The following CRADD variants were observed in gnomAD, a reference collection of about 807,000 sequenced individuals.
CRADD encodes death domain-containing protein CRADD.
CRADD carries 9 observed loss-of-function variants against 15.5 expected under a neutral mutation model. That is an observed-to-expected ratio of 0.58 (90% CI 0.35 to 1.01). CRADD has a LOEUF of 1.01. Ranked by LOEUF, CRADD falls within the 50% of genes least tolerant of loss-of-function variation. The pLI, the probability that CRADD is intolerant of heterozygous loss-of-function variation, is 0.02. For synonymous variants in CRADD, 118 were observed against 107.6 expected (o/e 1.10, Z -0.60); for missense variants, 227 against 250.3 (o/e 0.91, Z 0.63).
At chr12:93,789,736 G>A (rs1957327717) in intron 2 of CRADD, among the ~76,000 whole-genome samples, 2 of 151,928 alleles carry the variant, frequency 1.3e-5, no homozygotes, top group Admixed American at 1.3e-4. Context: ...TTAAATATGT[G>A]CAGTTTCCTG....
At chr12:93,680,543 CTT>C (rs1431898525) in intron 2 of CRADD, among the ~76,000 whole-genome samples, 1 of 152,148 alleles carries the variant, frequency 6.6e-6, no homozygotes, top group East Asian at 1.9e-4. Context: ...TATCTTTAGG[CTT>C]TTTGAAATAT....
chr12:93,785,529 T>A (rs1408932907), intron 2 of CRADD, among the ~76,000 whole-genome samples: 1 of 152,180 alleles, frequency 6.6e-6, no homozygotes, highest in Non-Finnish European at 1.5e-5. Context: ...CAACCACAGC[T>A]ACTGCTGGCA....
intron 2 of CRADD, among the ~76,000 whole-genome samples, chr12:93,786,982 G>C (rs1214746038): frequency 6.6e-6 from 1 of 152,148 alleles, no homozygotes; most frequent in Non-Finnish European, 1.5e-5. Context: ...GCTATTTAAG[G>C]ATTTATATTG....
chr12:93,817,225 T>A (rs1957712799), intron 2 of CRADD, among the ~76,000 whole-genome samples: 1 of 152,172 alleles, frequency 6.6e-6, no homozygotes, highest in South Asian at 2.1e-4. Context: ...TTCAAGAGAC[T>A]GTGACTTCCA....
intron 2 of CRADD, among the ~76,000 whole-genome samples, chr12:93,778,476 T>C (rs1328066299): frequency 1.3e-5 from 2 of 152,186 alleles, no homozygotes; most frequent in Non-Finnish European, 1.5e-5. Context: ...AGCTTAGCCA[T>C]ACTTATTAGA....
intron 2 of CRADD, among the ~76,000 whole-genome samples, chr12:93,731,015 G>C (rs1217652282): frequency 1.3e-5 from 2 of 152,080 alleles, no homozygotes; most frequent in Non-Finnish European, 2.9e-5. Flanking sequence ...ACTGCACCCG[G>C]CTGACCCTCA....
At chr12:93,809,370 G>A (rs565332329) in intron 2 of CRADD, among the ~76,000 whole-genome samples, 10 of 152,278 alleles carry the variant, frequency 6.6e-5, no homozygotes, top group South Asian at 2.1e-4. Flanking sequence ...GAGGAACATC[G>A]GTGTTCTGGA....
chr12:93,752,584 T>A (rs2136941066), intron 2 of CRADD, among the ~76,000 whole-genome samples: 1 of 152,296 alleles, frequency 6.6e-6, no homozygotes, highest in Middle Eastern at 3.4e-3. Context: ...AAAGAAATAC[T>A]CCAAACAGTT....
intron 2 of CRADD, among the ~76,000 whole-genome samples, chr12:93,791,326 A>T (rs1957346907): frequency 6.6e-6 from 1 of 152,176 alleles, no homozygotes; most frequent in African/African-American, 2.4e-5. Context: ...CACACAATGG[A>T]ATACTATTCA....
intron 2 of CRADD, among the ~76,000 whole-genome samples, chr12:93,828,217 C>T (rs765278441): frequency 2.0e-5 from 3 of 152,146 alleles, no homozygotes; most frequent in Admixed American, 1.3e-4. Context: ...AAGTCCTTTA[C>T]AAGATATGAT....
intron 2 of CRADD, among the ~76,000 whole-genome samples, chr12:93,692,462 C>A (rs915708816): frequency 6.6e-6 from 1 of 152,108 alleles, no homozygotes; most frequent in Non-Finnish European, 1.5e-5. Flanking sequence ...AAAGAGAAGA[C>A]CCTGACAGCA....
At chr12:93,821,106 A>C (rs1957764475) in intron 2 of CRADD, among the ~76,000 whole-genome samples, 2 of 152,338 alleles carry the variant, frequency 1.3e-5, no homozygotes, top group South Asian at 4.1e-4. Flanking sequence ...GACACTATTA[A>C]AACAGAGATT....
rs1958202880 is a variant in CRADD, at chr12:93,850,323, A to G, written c.*52A>G. 1 of 1,527,870 alleles carries G rather than the reference A, an allele frequency of 6.5e-7. No individual in the cohort carries two copies. The highest frequency in any genetic ancestry group is 1.4e-5 in the African/African-American group (1 of 71,168). The allele number at this position is 1,527,870 out of a possible 1,614,324, so 94.6% of individuals were successfully genotyped here. A position where few individuals can be genotyped will look rare whatever the true frequency, so the allele number is the denominator to read the frequency against. On this transcript the variant is annotated 3_prime_UTR_variant, in exon 3 of 3. Coordinates refer to ENST00000332896, the MANE Select transcript of CRADD (RefSeq NM_003805.5). This position sits in a 1 kb window ranked among gnomAD's most constrained non-coding sequence, Gnocchi z 4.0. ...TGTGTCCCTGAGTCATGTGGGCTGA[A>G]TCCTGACTTTCACTCAGAGCAGGTG...
intron 2 of CRADD, among the ~76,000 whole-genome samples, chr12:93,886,291 G>A (rs377216581): frequency 6.6e-6 from 1 of 150,404 alleles, no homozygotes; most frequent in East Asian, 2.0e-4. Context: ...CTCCCAAATA[G>A]CTAGGACTAC....
intron 2 of CRADD, among the ~76,000 whole-genome samples, chr12:93,686,358 C>T (rs1169060629): frequency 1.3e-5 from 2 of 149,058 alleles, no homozygotes; most frequent in Non-Finnish European, 3.0e-5. Context: ...GAGGATGTGG[C>T]CAAAAGTTGC....
At chr12:93,738,862 A>AAAGG (rs1287803920) in intron 2 of CRADD, among the ~76,000 whole-genome samples, 1 of 152,120 alleles carries the variant, frequency 6.6e-6, no homozygotes. Flanking sequence ...AGAAACGAGG[A>AAAGG]AAGGAAGGAA....
chr12:93,811,802 T>C (rs531766128), intron 2 of CRADD, among the ~76,000 whole-genome samples: 1 of 152,336 alleles, frequency 6.6e-6, no homozygotes, highest in East Asian at 1.9e-4. Context: ...CCCAAAGGAA[T>C]TGAAAACTTA....
rs184155091 is a variant in CRADD, at chr12:93,703,215, T to A, written c.298+24143T>A. On this transcript the variant is annotated intron_variant, in intron 2 of 2. Coordinates refer to ENST00000332896, the MANE Select transcript of CRADD (RefSeq NM_003805.5). Reference sequence around the variant, plus strand: ...AAGTAGGTGCCATTAGGTGTTGATTTTTTTTAAAAAGTCCTTTTAATTTAA... The same window carrying A: ...AAGTAGGTGCCATTAGGTGTTGATTATTTTTAAAAAGTCCTTTTAATTTAA... 5.9e-5 allele frequency among the ~76,000 whole-genome samples: 9 copies of A among 152,294 alleles called. No individual in the cohort carries two copies. In the East Asian group the frequency reaches 1.7e-3, roughly 29 times the overall value.
At position 93,824,233 on chromosome 12, in the gene CRADD, C is replaced by A. The variant is rs1237114859; in HGVS notation, c.299-25737C>A. Among the ~76,000 whole-genome samples, 2 of 152,152 alleles carry A rather than the reference C, an allele frequency of 1.3e-5. No individual in the cohort carries two copies. Among genetic ancestry groups the A allele is most frequent in the East Asian group, 3.8e-4 (2 of 5,198 alleles). ...CCCGGTCTCATTTTCAGTGTCTCAG[C>A]ATACTTTCCAATGCTTCCAGTAATG... On this transcript the variant is annotated intron_variant, in intron 2 of 2. Transcript: ENST00000332896. This position sits in a 1 kb window ranked among gnomAD's most constrained non-coding sequence, Gnocchi z 4.3.
Sources: allele counts gnomAD v4.1 joint callset (sites outside exome capture counted in the v4.1 genomes callset), GRCh38; gene constraint gnomAD v4.1.1; non-coding constraint Gnocchi (gnomAD v3.1); transcripts MANE v1.5; gene names NCBI Gene and HGNC (gene_info 2026-07-23, HGNC 2026-07-21).